The following PCYT1B variants were observed in gnomAD, a reference collection of about 807,000 sequenced individuals.
PCYT1B encodes the protein phosphate cytidylyltransferase 1B, choline, also known as choline-phosphate cytidylyltransferase B.
In PCYT1B, 10 loss-of-function variants were observed where a neutral mutation model predicts 26.4. The observed-to-expected ratio is 0.38, with a 90% CI of 0.23 to 0.64. PCYT1B has a LOEUF of 0.64. Among genes scored for constraint, PCYT1B ranks in the 30% least tolerant of loss-of-function variants. PCYT1B has a pLI of 0.56. For missense variants in PCYT1B, 161 were observed against 292.7 expected, an observed-to-expected ratio of 0.55 and a Z score of 3.28; for synonymous variants, 131 against 108.4, an observed-to-expected ratio of 1.21 and a Z score of -1.29.
At chrX:24,643,900 T>A (rs1926540657) in intron 1 of PCYT1B, among the ~76,000 whole-genome samples, 1 of 111,979 alleles carries the variant, frequency 8.9e-6, no homozygotes, top group African/African-American at 3.2e-5. Flanking sequence ...ACACTTTCCA[T>A]AGTTAGTTAA....
At chrX:24,624,171 G>T (rs1318586686) in intron 1 of PCYT1B, among the ~76,000 whole-genome samples, 2 of 109,619 alleles carry the variant, frequency 1.8e-5, no homozygotes, top group Non-Finnish European at 3.8e-5. Context: ...GGGTTTCACT[G>T]TGTTAACCAG....
intron 3 of PCYT1B, among the ~76,000 whole-genome samples, chrX:24,590,790 CT>C (rs1226692293): frequency 0.06 from 4,489 of 75,129 alleles, 78 homozygotes; most frequent in Non-Finnish European, 0.086. Flanking sequence ...TCACATCTCT[CT>C]TTTTTTTTTT....
chrX:24,606,844 C>T (rs1012997528), intron 3 of PCYT1B, among the ~76,000 whole-genome samples: 3 of 102,162 alleles, frequency 2.9e-5, no homozygotes, highest in African/African-American at 1.0e-4. Flanking sequence ...TCCAGTTGGG[C>T]GACAGAGTGA....
At chrX:24,636,421 T>C (rs999564498) in intron 1 of PCYT1B, among the ~76,000 whole-genome samples, 1 of 112,119 alleles carries the variant, frequency 8.9e-6, no homozygotes, top group African/African-American at 3.2e-5. Context: ...AAGACCAGGC[T>C]GGCCAACATG....
chrX:24,562,733 T>C (rs1341176290), intron 7 of PCYT1B, among the ~76,000 whole-genome samples: 110 of 100,776 alleles, frequency 1.1e-3, no homozygotes, highest in Non-Finnish European at 1.7e-3. Flanking sequence ...TTTTTCTCTT[T>C]TTTTTTTTTT....
upstream of PCYT1B, among the ~76,000 whole-genome samples, chrX:24,650,422 C>T (rs1926740705): frequency 1.9e-5 from 2 of 105,572 alleles, no homozygotes; most frequent in Admixed American, 1.0e-4. Context: ...CAGGCTCAAG[C>T]GATCCTCCCA....
At chrX:24,571,500 T>TATCATCATCATCATC (rs59226167) in intron 7 of PCYT1B, among the ~76,000 whole-genome samples, 1,723 of 105,383 alleles carry the variant, frequency 0.016, 35 homozygotes, top group East Asian at 0.13. Context: ...TCTTATTTAC[T>TATCATCATCATCATC]ATCATCATCA....
At chrX:24,647,394 T>G, upstream of PCYT1B, 16 of 399,927 alleles carry the variant, frequency 4.0e-5, no homozygotes, top group Non-Finnish European at 4.4e-5. Flanking sequence ...TAGAGCGCGC[T>G]GGTTGGCTAC....
chrX:24,654,397 G>A (rs1294161887), intron 1 of PCYT1B, among the ~76,000 whole-genome samples: 5 of 103,442 alleles, frequency 4.8e-5, no homozygotes, highest in Admixed American at 2.1e-4. Flanking sequence ...GTGAGCCACC[G>A]CGCCTGGCCC....
intron 1 of PCYT1B, among the ~76,000 whole-genome samples, chrX:24,643,351 T>C (rs1308014487): frequency 8.9e-6 from 1 of 111,829 alleles, no homozygotes; most frequent in Non-Finnish European, 1.9e-5. Flanking sequence ...ACAGTCAAGC[T>C]GATGAGTCAC....
chrX:24,638,698 T>C (rs1475459991), intron 1 of PCYT1B, among the ~76,000 whole-genome samples: 1 of 111,809 alleles, frequency 8.9e-6, no homozygotes, highest in African/African-American at 3.2e-5. Context: ...GCTAAAGATG[T>C]AAGAGTTTTG....
intron 1 of PCYT1B, among the ~76,000 whole-genome samples, chrX:24,643,992 G>A (rs1035115372): frequency 2.9e-4 from 33 of 112,125 alleles, no homozygotes; most frequent in African/African-American, 1.0e-3. Context: ...TGGGTGCTGG[G>A]AGAAATGCAG....
At position 24,560,774 on chromosome X, in the gene PCYT1B, CA is replaced by C. The variant is rs1246809306; in HGVS notation, c.*1518del. 8.9e-6 allele frequency: 1 copy of C among 112,249 alleles called. No homozygotes were observed. The highest frequency in any genetic ancestry group is 1.9e-5 in the Non-Finnish European group (1 of 53,214). 9.3% of individuals were successfully genotyped at this position (112,249 alleles called of 1,213,427 possible). On this transcript the variant is annotated 3_prime_UTR_variant, in exon 8 of 8. Transcript: ENST00000379144. ...CACAAGAGATTCTGGGCTCTGCCTACAAGTTGCTGGTTTGGGCCTCTATTCA... is the reference window on the plus strand; with the variant it reads ...CACAAGAGATTCTGGGCTCTGCCTACAGTTGCTGGTTTGGGCCTCTATTCA...
chrX:24,622,878 G>GTAACTC (rs751011984), intron 1 of PCYT1B, among the ~76,000 whole-genome samples: 22 of 111,949 alleles, frequency 2.0e-4, no homozygotes, highest in East Asian at 1.4e-3. Flanking sequence ...TAGAGAAGGG[G>GTAACTC]TAACTCAAAC....
intron 1 of PCYT1B, among the ~76,000 whole-genome samples, chrX:24,637,145 G>C (rs1175165428): frequency 9.1e-6 from 1 of 109,952 alleles, no homozygotes; most frequent in African/African-American, 3.3e-5. Context: ...TTCTACTCCT[G>C]TTCCCAAACA....
At chrX:24,629,431 G>A (rs1457342167) in intron 1 of PCYT1B, among the ~76,000 whole-genome samples, 3 of 106,146 alleles carry the variant, frequency 2.8e-5, no homozygotes, top group African/African-American at 6.8e-5. Flanking sequence ...GGTGGTGTAC[G>A]CCTGTAGTCC....
rs1430974924 is a variant in PCYT1B, at chrX:24,559,239, C to G, written c.*3054G>C. Reference sequence around the variant, plus strand: ...GGCTGAGGCAGAAGAACCCCTTGAACCTGGGAGGTGGAGGCTGCAGTGAGC... The same window carrying G: ...GGCTGAGGCAGAAGAACCCCTTGAAGCTGGGAGGTGGAGGCTGCAGTGAGC... On this transcript the variant is annotated 3_prime_UTR_variant, in exon 8 of 8. Transcript: ENST00000379144. The G allele has an allele frequency of 9.4e-6, 1 of 106,607 alleles. No individual in the cohort carries two copies. Among genetic ancestry groups the G allele is most frequent in the African/African-American group, 3.4e-5 (1 of 29,016 alleles). The allele number at this position is 106,607 out of a possible 1,213,427, so 8.8% of individuals were successfully genotyped here.
rs1304001309 is a variant in PCYT1B, at chrX:24,562,479, G to A, written c.924C>T (p.Ser308=). ...AWKQMFQERS[S]RMLQALSPKQ... ...TCGGGGATAAGGCCTGCAGCATCCG[G>A]CTGCTCCTCTCCTGGAACATCTGCT... Residue 308 remains serine (S), a synonymous_variant, in exon 8 of 8, where the codon AGC becomes AGT. Coordinates refer to ENST00000379144, the MANE Select transcript of PCYT1B (RefSeq NM_004845.5). The A allele has an allele frequency of 8.3e-7, 1 of 1,205,364 alleles. No individual in the cohort carries two copies. Among genetic ancestry groups the A allele is most frequent in the South Asian group, 1.8e-5 (1 of 55,725 alleles).
chrX:24,619,253 C>T (rs1013991517), intron 1 of PCYT1B, 169 bp from the exon 2 acceptor site: 1 of 429,995 alleles, frequency 2.3e-6, no homozygotes, highest in African/African-American at 2.5e-5. Context: ...AGGGCATCAT[C>T]ACTGAAACCT....
Sources: gnomAD v4.1 joint callset for allele counts (sites outside exome capture counted in the v4.1 genomes callset) on GRCh38, gnomAD v4.1.1 for gene constraint, MANE v1.5 for transcripts, NCBI Gene and HGNC (gene_info 2026-07-23, HGNC 2026-07-21) for gene names.